The following ARHGEF33 variants were observed in gnomAD, a reference collection of about 807,000 sequenced individuals.
ARHGEF33 encodes Rho guanine nucleotide exchange factor 33.
Under a neutral mutation model 101.9 loss-of-function variants are expected in ARHGEF33, and 72 were observed. The ratio of observed to expected loss-of-function variants is 0.71; its 90% CI spans 0.58 to 0.86. The LOEUF is 0.86. ARHGEF33 is among the 40% of genes least tolerant of loss of function. ARHGEF33 has a pLI of 0.00. For missense variants in ARHGEF33, 1,169 were observed against 1,111.3 expected (o/e 1.05, Z -0.74); for synonymous variants, 499 against 442.5 (o/e 1.13, Z -1.60).
intron 11 of ARHGEF33, among the ~76,000 whole-genome samples, chr2:38,952,379 G>A (rs893142765): frequency 6.6e-6 from 1 of 152,060 alleles, no homozygotes; most frequent in African/African-American, 2.4e-5. Flanking sequence ...TTTTCCTAAG[G>A]GGATAATGCA....
rs1300103915 is a variant in ARHGEF33, at chr2:38,951,632, A to G, written c.1053+511A>G. 5.3e-5 allele frequency among the ~76,000 whole-genome samples: 8 copies of G among 151,712 alleles called. No homozygotes were observed. The East Asian group carries it at 1.5e-3, about 29-fold the overall frequency. Reference sequence around the variant, plus strand: ...ATTAAAAAAAAAGTATATATACATTAAAACATGTATATATATGCATCTGTG... The same window carrying G: ...ATTAAAAAAAAAGTATATATACATTGAAACATGTATATATATGCATCTGTG... On this transcript the variant is annotated intron_variant, in intron 11 of 17. Transcript: ENST00000409978.
At chr2:38,962,823 G>T (rs1667974366) in intron 16 of ARHGEF33, among the ~76,000 whole-genome samples, 1 of 109,328 alleles carries the variant, frequency 9.1e-6, no homozygotes, top group Non-Finnish European at 1.7e-5. Flanking sequence ...GACCATCCTG[G>T]TCAACACGGT....
chr2:38,941,157 C>T (rs1667297568), intron 9 of ARHGEF33, among the ~76,000 whole-genome samples: 1 of 152,110 alleles, frequency 6.6e-6, no homozygotes, highest in Non-Finnish European at 1.5e-5. Flanking sequence ...AATTCATAAT[C>T]CTAAACTTTT....
chr2:38,963,072 T>C (rs1667981394), intron 16 of ARHGEF33, among the ~76,000 whole-genome samples: 1 of 147,908 alleles, frequency 6.8e-6, no homozygotes, highest in Non-Finnish European at 1.5e-5. Flanking sequence ...TAGAGAGAGG[T>C]AGCATGCAGA....
At chr2:38,909,091 G>C (rs1666455042) in intron 2 of ARHGEF33, among the ~76,000 whole-genome samples, 2 of 152,134 alleles carry the variant, frequency 1.3e-5, no homozygotes, top group African/African-American at 4.8e-5. Context: ...CCCCTTAGTT[G>C]CTCACAGTCT....
At chr2:38,948,848 T>G (rs982001753) in intron 10 of ARHGEF33, among the ~76,000 whole-genome samples, 1 of 152,194 alleles carries the variant, frequency 6.6e-6, no homozygotes, top group Non-Finnish European at 1.5e-5. Flanking sequence ...CCATCAGGTT[T>G]ATGGTCTTCT....
chr2:38,941,737 G>A (rs958153322), intron 9 of ARHGEF33, among the ~76,000 whole-genome samples: 1 of 151,882 alleles, frequency 6.6e-6, no homozygotes, highest in Non-Finnish European at 1.5e-5. Flanking sequence ...TAGTAGAGAT[G>A]GGGTTCACCA....
At chr2:38,928,502 C>A (rs1239126898) in intron 4 of ARHGEF33, among the ~76,000 whole-genome samples, 1 of 152,102 alleles carries the variant, frequency 6.6e-6, no homozygotes, top group African/African-American at 2.4e-5. Context: ...GTTTCCTTGC[C>A]TCTCATAATA....
At chr2:38,953,324 A>G (rs946385758) in intron 12 of ARHGEF33, 79 bp downstream of exon 12, 3 of 846,240 alleles carry the variant, frequency 3.5e-6, no homozygotes, top group Non-Finnish European at 4.0e-6. Flanking sequence ...CAGTCAATAC[A>G]GCGCATGCAC....
At chr2:38,933,575 G>A (rs1256711846) in intron 7 of ARHGEF33, among the ~76,000 whole-genome samples, 1 of 152,010 alleles carries the variant, frequency 6.6e-6, no homozygotes, top group Non-Finnish European at 1.5e-5. Flanking sequence ...GTAGAGACAC[G>A]GTTTTGCCAT....
chr2:38,901,400 A>C (rs1666233727), intron 2 of ARHGEF33, among the ~76,000 whole-genome samples: 1 of 152,064 alleles, frequency 6.6e-6, no homozygotes, highest in African/African-American at 2.4e-5. Flanking sequence ...CTTCCTACCC[A>C]CTGCTGAGCT....
intron 1 of ARHGEF33, among the ~76,000 whole-genome samples, chr2:38,895,322 A>T (rs1666096212): frequency 6.6e-6 from 1 of 152,226 alleles, no homozygotes; most frequent in Non-Finnish European, 1.5e-5. Context: ...GCGCTTAAAG[A>T]AAAACCTATT....
intron 16 of ARHGEF33, among the ~76,000 whole-genome samples, chr2:38,964,950 A>G (rs950996798): frequency 1.3e-5 from 2 of 152,028 alleles, no homozygotes; most frequent in African/African-American, 2.4e-5. Context: ...GAAACACTGC[A>G]TGTCTAGCTC....
At chr2:38,904,939 A>G (rs1473990746) in intron 2 of ARHGEF33, among the ~76,000 whole-genome samples, 1 of 152,214 alleles carries the variant, frequency 6.6e-6, no homozygotes, top group East Asian at 1.9e-4. Flanking sequence ...ACACCTTAGC[A>G]AGGAAGACTC....
At chr2:38,957,314 G>A (rs558506246) in intron 14 of ARHGEF33, among the ~76,000 whole-genome samples, 1 of 152,316 alleles carries the variant, frequency 6.6e-6, no homozygotes, top group Non-Finnish European at 1.5e-5. Flanking sequence ...CTCAAAAATA[G>A]TTCAACTGCC....
chr2:38,958,145 A>G lies in ARHGEF33; in HGVS notation c.1482A>G (p.Ser494=). Residue 494 remains serine, a synonymous_variant, in exon 15 of 18, where the codon TCA becomes TCG. Coordinates refer to ENST00000409978, the MANE Select transcript of ARHGEF33 (RefSeq NM_001145451.5). The part of the protein sequence containing the change: ...PEAVRDTGIH[S]EELLQPYPSA... ...CTGTCCGTGACACTGGGATCCACTC[A>G]GAAGAGTTGCTGCAACCCTACCCTT... 6.4e-7 allele frequency: 1 copy of G among 1,551,908 alleles called. No homozygotes were observed. Among genetic ancestry groups the G allele is most frequent in the Non-Finnish European group, 8.7e-7 (1 of 1,147,040 alleles).
At chr2:38,940,297 C>G (rs1341109775) in intron 9 of ARHGEF33, among the ~76,000 whole-genome samples, 1 of 151,948 alleles carries the variant, frequency 6.6e-6, no homozygotes, top group East Asian at 1.9e-4. Flanking sequence ...TTATTTTTAT[C>G]CATTTAGTTT....
intron 7 of ARHGEF33, 88 bp downstream of exon 7, chr2:38,931,339 T>C: frequency 1.7e-6 from 2 of 1,202,018 alleles, no homozygotes; most frequent in Non-Finnish European, 2.3e-6. Flanking sequence ...CCATCTTTGT[T>C]AGAAGAAAAT....
At chr2:38,917,768 C>T (rs1666668710) in intron 2 of ARHGEF33, among the ~76,000 whole-genome samples, 1 of 151,224 alleles carries the variant, frequency 6.6e-6, no homozygotes, top group African/African-American at 2.4e-5. Flanking sequence ...GTTCAAGGCT[C>T]CAGTGAGCCA....
Sources: allele counts gnomAD v4.1 joint callset (sites outside exome capture counted in the v4.1 genomes callset), GRCh38; gene constraint gnomAD v4.1.1; transcripts MANE v1.5; gene names NCBI Gene and HGNC (gene_info 2026-07-23, HGNC 2026-07-21).